The following SET variants were observed in gnomAD, a reference collection of about 807,000 sequenced individuals.
The protein encoded by SET is protein SET.
Under a neutral mutation model 39.0 loss-of-function variants are expected in SET, and 4 were observed. That is an observed-to-expected ratio of 0.10 (90% CI 0.05 to 0.23). The LOEUF (loss-of-function observed/expected upper bound fraction) is 0.23. Among genes scored for constraint, SET ranks in the 10% least tolerant of loss-of-function variants. The pLI is 1.00. For missense variants in SET, 137 were observed against 329.7 expected (o/e 0.42, Z 4.53); for synonymous variants, 114 against 115.9 (o/e 0.98, Z 0.11).
At position 128,691,246 on chromosome 9, in the gene SET, T is replaced by G; in HGVS notation, c.131+19T>G. 1 of 1,522,188 alleles carries G rather than the reference T, an allele frequency of 6.6e-7. No homozygotes were observed. The highest frequency in any genetic ancestry group is 9.0e-7 in the Non-Finnish European group (1 of 1,107,162). 94.3% of individuals were successfully genotyped at this position (1,522,188 alleles called of 1,614,324 possible). A position where few individuals can be genotyped will look rare whatever the true frequency, so the allele number is the denominator to read the frequency against. On this transcript the variant is annotated intron_variant, in intron 2 of 7. Coordinates refer to ENST00000322030, the MANE Select transcript of SET (RefSeq NM_003011.4). The stretch of plus-strand genomic sequence containing the variant: ...TAGACAGGTAACATTTTTCTTAATA[T>G]ACTTCGGAGAAATTTTCTGAGATGT...
chr9:128,693,825 A>AT lies in SET; in HGVS notation c.663+20dup. The AT allele has an allele frequency of 6.2e-7, 1 of 1,609,650 alleles. No homozygotes were observed. Among genetic ancestry groups the AT allele is most frequent in the Non-Finnish European group, 8.5e-7 (1 of 1,178,604 alleles). ...TACTACTTGGTGAGTTCTAATACTC[A>AT]TTTATTCAAGGTTGGACTTGTCTCG... On this transcript the variant is annotated intron_variant, in intron 6 of 7. Transcript: ENST00000322030.
intron 5 of SET, among the ~76,000 whole-genome samples, chr9:128,693,241 A>G (rs765464010): frequency 6.6e-5 from 10 of 152,346 alleles, no homozygotes; most frequent in Non-Finnish European, 2.9e-5. Flanking sequence ...AACAAAAAAA[A>G]AGAGAAAAAT....
upstream of SET, among the ~76,000 whole-genome samples, chr9:128,686,333 G>A (rs938453115): frequency 6.6e-6 from 1 of 152,184 alleles, no homozygotes; most frequent in African/African-American, 2.4e-5. Context: ...AGGGAGGGTT[G>A]GGAGGCCAGA....
chr9:128,684,060 ACT>A (rs1468868457), intron 1 of SET: 5 of 1,408,678 alleles, frequency 3.5e-6, no homozygotes, highest in East Asian at 2.5e-5. Context: ...GCAAGGATTG[ACT>A]CTCTGATTTT....
chr9:128,692,591 A>C (rs1015344064), intron 3 of SET, 71 bp from the exon 4 acceptor site: 3 of 1,051,294 alleles, frequency 2.9e-6, no homozygotes, highest in Non-Finnish European at 4.4e-6. Context: ...AAAAATTTTA[A>C]AGGGATCACT....
In SET at chr9:128,693,923, G is replaced by A. The variant is rs1564361880; in HGVS notation, c.691G>A (p.Glu231Lys). 1 of 1,584,894 alleles carries A rather than the reference G, an allele frequency of 6.3e-7. No homozygotes were observed. Among genetic ancestry groups the A allele is most frequent in the Admixed American group, 1.7e-5 (1 of 59,450 alleles). ...LVPDMDDEEG[E>K]GEEDDDDDEE... is the part of the protein sequence containing the mutation. ...TCCCGATATGGATGATGAAGAAGGA[G>A]AAGGAGAAGAAGATGATGATGATGA... The change falls in exon 7 of 8, where the codon GAA becomes AAA. Residue 231 changes from glutamate (E) to lysine (K), a missense_variant. Physicochemically the swap from Glu to Lys is moderately conservative, Grantham distance 56. Around this residue, in one of 3 missense-constraint regions of SET, gnomAD observed 44 missense variants for 63.0 expected, o/e 0.70. Coordinates refer to ENST00000322030, the MANE Select transcript of SET (RefSeq NM_003011.4).
chr9:128,694,732 GTCTTT>G lies in SET; in HGVS notation c.*70_*74del. The G allele has an allele frequency of 1.1e-5, 5 of 470,162 alleles. No homozygotes were observed. The highest frequency in any genetic ancestry group is 8.6e-5 in the Admixed American group (2 of 23,366). The allele number at this position is 470,162 out of a possible 1,614,324, so 29.1% of individuals were successfully genotyped here. A position where few individuals can be genotyped will look rare whatever the true frequency, so the allele number is the denominator to read the frequency against. ...CTCCAGTCCCTGGGAGCAAGTTGCA[GTCTTT>G]TTTTTTTTTTTTTTTTTTTTTCCCT... On this transcript the variant is annotated 3_prime_UTR_variant, in exon 8 of 8. Transcript: ENST00000322030.
Position 128,695,446 on chromosome 9 carries a change from T to G in SET, c.*782T>G. The G allele has an allele frequency of 4.5e-6, 1 of 222,506 alleles. No individual in the cohort carries two copies. The highest frequency in any genetic ancestry group is 9.2e-6 in the Non-Finnish European group (1 of 108,740). 13.8% of individuals were successfully genotyped at this position (222,506 alleles called of 1,614,324 possible). A position where few individuals can be genotyped will look rare whatever the true frequency, so the allele number is the denominator to read the frequency against. ...GTTTATTTTTAAATTTTCTTTTTGT[T>G]TCACTGGAAAGGAAAGATGATGCTC... is the stretch of plus-strand genomic sequence containing the variant. On this transcript the variant is annotated 3_prime_UTR_variant, in exon 8 of 8. Transcript: ENST00000322030.
chr9:128,689,616 G>C lies in SET; in HGVS notation c.34G>C (p.Glu12Gln). 2 of 1,379,238 alleles carry C rather than the reference G, an allele frequency of 1.5e-6. No individual in the cohort carries two copies. The highest frequency in any genetic ancestry group is 1.9e-6 in the Non-Finnish European group (2 of 1,046,938). 85.4% of individuals were successfully genotyped at this position (1,379,238 alleles called of 1,614,324 possible). A position where few individuals can be genotyped will look rare whatever the true frequency, so the allele number is the denominator to read the frequency against. ...GCCGGCGGCCAAAGTCAGTAAAAAG[G>C]AGCTCAACTCCAACCACGACGGGGC... ...SAPAAKVSKK[E>Q]LNSNHDGADE... The change falls in exon 1 of 8, where the codon GAG (glutamate) becomes CAG (glutamine). Residue 12 changes from glutamate to glutamine, a missense_variant. This residue lies in a region of SET where 34 missense variants were observed against 29.5 expected (regional missense o/e 1.15). Coordinates refer to ENST00000322030, the MANE Select transcript of SET (RefSeq NM_003011.4).
At chr9:128,693,499 C>G (rs550810304) in intron 5 of SET, 139 bp from the exon 6 acceptor site, 7 of 914,514 alleles carry the variant, frequency 7.7e-6, no homozygotes, top group Non-Finnish European at 9.6e-6. Context: ...TATAATTGCT[C>G]TTAGGTAATA....
Position 128,696,286 on chromosome 9 carries a change from A to G in SET, c.*1622A>G, listed in dbSNP as rs1266709087. 2 of 195,460 alleles carry G rather than the reference A, an allele frequency of 1.0e-5. No individual in the cohort carries two copies. The highest frequency in any genetic ancestry group is 2.2e-5 in the Non-Finnish European group (2 of 92,912). The allele number at this position is 195,460 out of a possible 1,614,324, so 12.1% of individuals were successfully genotyped here. ...TCAATAGGCAAAAGTGTAACAACCTATCTAGATGGATAGTATGTAATTTCT... is the reference window on the plus strand; with the variant it reads ...TCAATAGGCAAAAGTGTAACAACCTGTCTAGATGGATAGTATGTAATTTCT... On this transcript the variant is annotated 3_prime_UTR_variant, in exon 8 of 8. Transcript: ENST00000322030.
upstream of SET, among the ~76,000 whole-genome samples, chr9:128,684,586 C>A (rs748341428): frequency 5.9e-5 from 9 of 152,086 alleles, no homozygotes; most frequent in Non-Finnish European, 1.2e-4. Flanking sequence ...TCTGGCCCGC[C>A]AACCCGGTCC....
In SET at chr9:128,695,333, G is replaced by A. The variant is rs1861695325; in HGVS notation, c.*669G>A. On this transcript the variant is annotated 3_prime_UTR_variant, in exon 8 of 8. Coordinates refer to ENST00000322030, the MANE Select transcript of SET (RefSeq NM_003011.4). ...TTAAAATAAATTCTCTCCTAATGAT[G>A]ACTTGAGCCCTGCCACTCAATGGGA... The A allele has an allele frequency of 4.4e-6, 1 of 225,048 alleles. No homozygotes were observed. Among genetic ancestry groups the A allele is most frequent in the Non-Finnish European group, 9.2e-6 (1 of 108,200 alleles). 13.9% of individuals were successfully genotyped at this position (225,048 alleles called of 1,614,324 possible). A position where few individuals can be genotyped will look rare whatever the true frequency, so the allele number is the denominator to read the frequency against.
In SET at chr9:128,694,758, T is replaced by C. The variant is rs770267607; in HGVS notation, c.*94T>C. 4,192 of 541,508 alleles carry C rather than the reference T, an allele frequency of 7.7e-3. 46 individuals are homozygous for C. Among genetic ancestry groups the C allele is most frequent in the East Asian group, 0.041 (1,226 of 29,860 alleles). The allele number at this position is 541,508 out of a possible 1,614,324, so 33.5% of individuals were successfully genotyped here. ...TCTTTTTTTTTTTTTTTTTTTTTTT[T>C]CCCTCTTGTGCTCAGTCGCCCTGTT... is the stretch of plus-strand genomic sequence containing the variant. On this transcript the variant is annotated 3_prime_UTR_variant, in exon 8 of 8. Transcript: ENST00000322030.
In SET at chr9:128,693,607, T is replaced by C. The variant is rs1010022580; in HGVS notation, c.493-31T>C. The C allele has an allele frequency of 2.2e-5, 34 of 1,568,578 alleles. No homozygotes were observed. In the Admixed American group the frequency reaches 5.4e-4, roughly 25 times the overall value. On this transcript the variant is annotated intron_variant, in intron 5 of 7. Transcript: ENST00000322030. ...GGGAGTTTGGGTGTTATGGAGAGAT[T>C]GTATCAAAAGCTCTTCCGGTATTCA...
In SET at chr9:128,689,562, C is replaced by G. The variant is rs1362176188; in HGVS notation, c.-21C>G. 1.5e-6 allele frequency: 2 copies of G among 1,337,410 alleles called. No homozygotes were observed. Among genetic ancestry groups the G allele is most frequent in the East Asian group, 3.3e-5 (1 of 30,548 alleles). The allele number at this position is 1,337,410 out of a possible 1,614,324, so 82.8% of individuals were successfully genotyped here. On this transcript the variant is annotated 5_prime_UTR_variant, in exon 1 of 8. Transcript: ENST00000322030. ...CCTTCTCTCCCCCTCCCCGCTCCCCCCCCGACCGCGGAGCAGCACCATGTC... is the reference window on the plus strand; with the variant it reads ...CCTTCTCTCCCCCTCCCCGCTCCCCGCCCGACCGCGGAGCAGCACCATGTC...
At chr9:128,684,116 A>G (rs1422724735) in intron 1 of SET, 10 of 840,204 alleles carry the variant, frequency 1.2e-5, no homozygotes, top group Non-Finnish European at 1.9e-5. Context: ...AGCACCCCCA[A>G]AGGGTTTTAA....
At chr9:128,689,043 G>C (rs1861388962), upstream of SET, among the ~76,000 whole-genome samples, 1 of 150,418 alleles carries the variant, frequency 6.6e-6, no homozygotes, top group African/African-American at 2.4e-5. Flanking sequence ...GACGCGGCGC[G>C]GGGGGCGGCC....
upstream of SET, among the ~76,000 whole-genome samples, chr9:128,688,897 G>T (rs564276150): frequency 4.5e-3 from 685 of 152,124 alleles, 6 homozygotes; most frequent in South Asian, 0.043. Flanking sequence ...CCGGTGCCCC[G>T]CGGAGCAGGG....
Sources: allele counts gnomAD v4.1 joint callset (sites outside exome capture counted in the v4.1 genomes callset), GRCh38; gene constraint gnomAD v4.1.1; regional missense constraint gnomAD v4.1.1; transcripts MANE v1.5; gene names NCBI Gene and HGNC (gene_info 2026-07-23, HGNC 2026-07-21).